Variants in RRAGD observed in about 807,000 individuals in gnomAD.
RRAGD encodes ras-related GTP-binding protein D.
RRAGD carries 12 observed loss-of-function variants against 35.5 expected under a neutral mutation model. That is an observed-to-expected ratio of 0.34 (90% CI 0.22 to 0.55). The LOEUF (loss-of-function observed/expected upper bound fraction) is 0.55, where lower values mean the gene tolerates loss of function less well. Among genes scored for constraint, RRAGD ranks in the 20% least tolerant of loss-of-function variants. RRAGD has a pLI of 0.91. For synonymous variants in RRAGD, 155 were observed against 178.9 expected (o/e 0.87, Z 1.07); for missense variants, 324 against 490.1 (o/e 0.66, Z 3.20).
intron 3 of RRAGD, among the ~76,000 whole-genome samples, chr6:89,379,632 C>T (rs11759644): frequency 0.02 from 3,086 of 152,354 alleles, 55 homozygotes; most frequent in Non-Finnish European, 0.032. Flanking sequence ...TTCTGCAAGA[C>T]AATCCATGCC....
chr6:89,372,112 A>T (rs1217651254), intron 6 of RRAGD, among the ~76,000 whole-genome samples: 9 of 152,140 alleles, frequency 5.9e-5, no homozygotes. Flanking sequence ...CTGGTAAGAG[A>T]CTTCATTCAC....
Position 89,379,350 on chromosome 6 carries a change from A to C in RRAGD, c.645-12T>G. On this transcript the variant is annotated splice_polypyrimidine_tract_variant and intron_variant, in intron 3 of 6. Coordinates refer to ENST00000369415, the MANE Select transcript of RRAGD (RefSeq NM_021244.5). ...TTGTCAGATAAAAGCTGAAAGAGGA[A>C]ACGGTATTTCATCATGTTTTCCCTT... 1 of 1,387,740 alleles carries C rather than the reference A, an allele frequency of 7.2e-7. No individual in the cohort carries two copies. The allele number at this position is 1,387,740 out of a possible 1,614,324, so 86.0% of individuals were successfully genotyped here. A position where few individuals can be genotyped will look rare whatever the true frequency, so the allele number is the denominator to read the frequency against.
Position 89,411,671 on chromosome 6 carries a change from AT to A in RRAGD, c.148+174del, listed in dbSNP as rs1402576086. 6.6e-6 allele frequency among the ~76,000 whole-genome samples: 1 copy of A among 151,794 alleles called. No individual in the cohort carries two copies. Among genetic ancestry groups the A allele is most frequent in the Non-Finnish European group, 1.5e-5 (1 of 67,928 alleles). ...TCCGCCACCAGCACCGCGCTCCCTCATTTGGCAGCTCGAGGTCGGGCTTTTG... is the reference window on the plus strand; with the variant it reads ...TCCGCCACCAGCACCGCGCTCCCTCATTGGCAGCTCGAGGTCGGGCTTTTG... On this transcript the variant is annotated intron_variant, in intron 1 of 6. Transcript: ENST00000369415. The surrounding 1 kb of genome is among the most constrained non-coding windows in gnomAD (Gnocchi z 5.6).
chr6:89,387,725 C>T (rs1175963117), intron 1 of RRAGD, 135 bp from the exon 2 acceptor site: 6 of 863,770 alleles, frequency 6.9e-6, no homozygotes, highest in Non-Finnish European at 1.1e-5. Flanking sequence ...AACTACAGTC[C>T]CTCCACTTAA....
chr6:89,400,244 A>C (rs1769431701), intron 1 of RRAGD, among the ~76,000 whole-genome samples: 2 of 152,202 alleles, frequency 1.3e-5, no homozygotes, highest in African/African-American at 2.4e-5. Context: ...GCATTAAATA[A>C]CAATAAAGAG....
At chr6:89,403,949 A>C (rs1342250598) in intron 1 of RRAGD, among the ~76,000 whole-genome samples, 3 of 152,248 alleles carry the variant, frequency 2.0e-5, no homozygotes, top group East Asian at 3.9e-4. Flanking sequence ...TTAGCCACTG[A>C]GCCTGGCAAC....
In RRAGD at chr6:89,411,835, C is replaced by T. The variant is rs1471645329; in HGVS notation, c.148+11G>A. 4.5e-6 allele frequency: 7 copies of T among 1,546,844 alleles called. No individual in the cohort carries two copies. In the African/African-American group the frequency reaches 6.8e-5, roughly 15 times the overall value. On this transcript the variant is annotated intron_variant, in intron 1 of 6. Coordinates refer to ENST00000369415, the MANE Select transcript of RRAGD (RefSeq NM_021244.5). This position sits in a 1 kb window ranked among gnomAD's most constrained non-coding sequence, Gnocchi z 5.6. ...GGGCGCGAGCCGAGGACGCGGGGGC[C>T]GGGCGCTCACCTCCCTCCTCTGTGC...
intron 1 of RRAGD, among the ~76,000 whole-genome samples, chr6:89,401,060 G>A (rs1218464137): frequency 1.3e-5 from 2 of 152,146 alleles, no homozygotes; most frequent in African/African-American, 2.4e-5. Flanking sequence ...TACCATGCAC[G>A]GCCAGCTAGG....
chr6:89,399,493 TG>T (rs1769408941), intron 1 of RRAGD, among the ~76,000 whole-genome samples: 1 of 152,308 alleles, frequency 6.6e-6, no homozygotes, highest in South Asian at 2.1e-4. Flanking sequence ...CTGTGCAGGC[TG>T]GGTACAATGG....
At chr6:89,387,236 A>ATGGGG in intron 2 of RRAGD, 59 bp downstream of exon 2, 4 of 1,525,238 alleles carry the variant, frequency 2.6e-6, no homozygotes, top group Non-Finnish European at 3.6e-6. Flanking sequence ...AACCAAAAAC[A>ATGGGG]TGGGGTGGGG....
Position 89,377,665 on chromosome 6 carries a change from A to G in RRAGD, c.902+6T>C, listed in dbSNP as rs753525402. 2 of 1,576,144 alleles carry G rather than the reference A, an allele frequency of 1.3e-6. No homozygotes were observed. Among genetic ancestry groups the G allele is most frequent in the East Asian group, 2.3e-5 (1 of 43,478 alleles). On this transcript the variant is annotated splice_donor_region_variant and intron_variant, in intron 5 of 6. Transcript: ENST00000369415. The stretch of plus-strand genomic sequence containing the variant: ...TGATTGTGGCCTTTAAGAATGTTGT[A>G]CTTACCCATAAATACAAGAGATGTC...
chr6:89,386,609 A>G (rs1451377054), intron 2 of RRAGD, among the ~76,000 whole-genome samples: 1 of 152,252 alleles, frequency 6.6e-6, no homozygotes, highest in South Asian at 2.1e-4. Context: ...AGGAATCTGA[A>G]TAGCAGTATG....
chr6:89,380,145 C>T, intron 3 of RRAGD, 23 bp downstream of exon 3: 1 of 1,611,430 alleles, frequency 6.2e-7, no homozygotes, highest in Non-Finnish European at 8.5e-7. Flanking sequence ...TTATTGGGAT[C>T]CTTAAGGGGT....
At chr6:89,374,655 G>C (rs896278793) in intron 5 of RRAGD, among the ~76,000 whole-genome samples, 4 of 151,990 alleles carry the variant, frequency 2.6e-5, no homozygotes, top group African/African-American at 9.7e-5. Flanking sequence ...ACTTGAACCC[G>C]GGAGGCGGGG....
At chr6:89,406,338 T>G (rs1040536663) in intron 1 of RRAGD, among the ~76,000 whole-genome samples, 2 of 152,130 alleles carry the variant, frequency 1.3e-5, no homozygotes, top group African/African-American at 4.8e-5. Context: ...GGCCCAAATG[T>G]TGCAAGACCA....
intron 1 of RRAGD, among the ~76,000 whole-genome samples, chr6:89,395,315 G>A (rs189373063): frequency 2.1e-4 from 32 of 152,320 alleles, no homozygotes; most frequent in Non-Finnish European, 3.4e-4. Context: ...CTACTTGGGA[G>A]GCTGAGGCAG....
At chr6:89,405,227 G>C (rs147116660) in intron 1 of RRAGD, among the ~76,000 whole-genome samples, 1 of 151,810 alleles carries the variant, frequency 6.6e-6, no homozygotes, top group African/African-American at 2.4e-5. Context: ...GGCAGCGTGC[G>C]CCTGTAGTCC....
At chr6:89,391,497 A>C (rs191444856) in intron 1 of RRAGD, among the ~76,000 whole-genome samples, 221 of 152,346 alleles carry the variant, frequency 1.5e-3, no homozygotes, top group African/African-American at 5.1e-3. Flanking sequence ...GTGAAAGAAC[A>C]GACACAAAAT....
In RRAGD at chr6:89,366,026, C is replaced by T. The variant is rs1768735935; in HGVS notation, c.*2030G>A. 6.6e-6 allele frequency: 1 copy of T among 152,206 alleles called. No homozygotes were observed. The highest frequency in any genetic ancestry group is 1.5e-5 in the Non-Finnish European group (1 of 68,036). The allele number at this position is 152,206 out of a possible 1,614,324, so 9.4% of individuals were successfully genotyped here. A position where few individuals can be genotyped will look rare whatever the true frequency, so the allele number is the denominator to read the frequency against. On this transcript the variant is annotated 3_prime_UTR_variant, in exon 7 of 7. Transcript: ENST00000369415. ...AAATCAGGGAGCCCTGGGCTCCTAACCATCCAGGTTTCGGAGTAGGAATCA... is the reference window on the plus strand; with the variant it reads ...AAATCAGGGAGCCCTGGGCTCCTAATCATCCAGGTTTCGGAGTAGGAATCA...
Sources: allele counts gnomAD v4.1 joint callset (sites outside exome capture counted in the v4.1 genomes callset), GRCh38; gene constraint gnomAD v4.1.1; non-coding constraint Gnocchi (gnomAD v3.1); transcripts MANE v1.5; gene names NCBI Gene and HGNC (gene_info 2026-07-23, HGNC 2026-07-21).